Variants in FHOD3 observed in about 807,000 individuals in gnomAD.
FHOD3 encodes the protein formin homology 2 domain containing 3, also known as FH1/FH2 domain-containing protein 3.
A neutral mutation model predicts 173.0 loss-of-function variants in FHOD3; 90 were observed. The ratio of observed to expected loss-of-function variants is 0.52; its 90% confidence interval spans 0.44 to 0.62. The LOEUF is 0.62. FHOD3 is among the 20% of genes least tolerant of loss of function. The pLI is 0.00. For missense variants in FHOD3, 1,945 were observed against 2,034.7 expected, an observed-to-expected ratio of 0.96 and a Z score of 0.85; for synonymous variants, 828 against 823.0, an observed-to-expected ratio of 1.01 and a Z score of -0.10.
chr18:36,633,513 T>C (rs2034662256), intron 10 of FHOD3, among the ~76,000 whole-genome samples: 1 of 152,174 alleles, frequency 6.6e-6, no homozygotes, highest in South Asian at 2.1e-4. Flanking sequence ...ATTTTACATG[T>C]ATTGTAAATT....
At chr18:36,755,993 A>G (rs528248708) in intron 25 of FHOD3, among the ~76,000 whole-genome samples, 2 of 152,124 alleles carry the variant, frequency 1.3e-5, no homozygotes, top group South Asian at 4.2e-4. Flanking sequence ...CCCCAAGCCT[A>G]CCTAGGTCTT....
chr18:36,385,962 A>T (rs1424475931), intron 3 of FHOD3, among the ~76,000 whole-genome samples: 1 of 152,228 alleles, frequency 6.6e-6, no homozygotes, highest in Admixed American at 6.5e-5. Context: ...CCACAACATG[A>T]CACCAAGTGC....
At chr18:36,547,821 G>A (rs1302208808) in intron 5 of FHOD3, among the ~76,000 whole-genome samples, 1 of 152,144 alleles carries the variant, frequency 6.6e-6, no homozygotes, top group Non-Finnish European at 1.5e-5. Context: ...TCGTGAGGTT[G>A]GTTGTTTTGA....
chr18:36,482,858 CAGAGAGAGAGAGAGAGAG>C lies in FHOD3; in HGVS notation c.338-19054_338-19037del, dbSNP rs138052316. 6.5e-3 allele frequency among the ~76,000 whole-genome samples: 845 copies of C among 130,450 alleles called. 11 individuals are homozygous for C. The highest frequency in any genetic ancestry group is 0.024 in the African/African-American group (768 of 32,244). The allele number at this position is 130,450 out of a possible 152,430, so 85.6% of individuals were successfully genotyped here. A position where few individuals can be genotyped will look rare whatever the true frequency, so the allele number is the denominator to read the frequency against. ...ACACACACACACACTCACACACACA[CAGAGAGAGAGAGAGAGAG>C]AGAGAGAGAGAGAGAGAGAACGAGA... On this transcript the variant is annotated intron_variant, in intron 3 of 28. Coordinates refer to ENST00000590592, the MANE Select transcript of FHOD3 (RefSeq NM_001281740.3).
At chr18:36,327,065 G>A (rs2044709707) in intron 1 of FHOD3, among the ~76,000 whole-genome samples, 1 of 152,168 alleles carries the variant, frequency 6.6e-6, no homozygotes, top group South Asian at 2.1e-4. Context: ...ACGTCATGAG[G>A]TTTCTTTGAA....
intron 3 of FHOD3, among the ~76,000 whole-genome samples, chr18:36,442,986 G>C (rs1397006451): frequency 6.6e-6 from 1 of 152,136 alleles, no homozygotes; most frequent in Non-Finnish European, 1.5e-5. Flanking sequence ...TGGTTTGTTT[G>C]ATGTTTCCTT....
chr18:36,326,112 A>G (rs1002940428), intron 1 of FHOD3, among the ~76,000 whole-genome samples: 1 of 152,218 alleles, frequency 6.6e-6, no homozygotes, highest in Non-Finnish European at 1.5e-5. Context: ...AAGTCAAAAT[A>G]CAAAAATGTC....
intron 8 of FHOD3, among the ~76,000 whole-genome samples, chr18:36,610,153 T>C (rs1333078349): frequency 3.3e-5 from 5 of 152,140 alleles, no homozygotes; most frequent in Non-Finnish European, 5.9e-5. Context: ...CACGCTGCTG[T>C]GTAGGAAGTT....
intron 3 of FHOD3, among the ~76,000 whole-genome samples, chr18:36,449,951 G>A (rs2051727299): frequency 6.6e-6 from 1 of 152,116 alleles, no homozygotes; most frequent in South Asian, 2.1e-4. Context: ...GGTTTTTGGG[G>A]AACAGGTGGT....
intron 8 of FHOD3, among the ~76,000 whole-genome samples, chr18:36,604,334 G>A (rs1197815237): frequency 6.6e-6 from 1 of 152,180 alleles, no homozygotes; most frequent in African/African-American, 2.4e-5. Context: ...TGATGAAGTG[G>A]GGATAAGTTT....
chr18:36,356,258 AATT>A (rs879453498), intron 2 of FHOD3, among the ~76,000 whole-genome samples: 17 of 152,384 alleles, frequency 1.1e-4, no homozygotes, highest in Non-Finnish European at 2.4e-4. Context: ...TGGAAAAAAT[AATT>A]ATTAATTATG....
chr18:36,313,707 TG>T (rs2092306067), intron 1 of FHOD3, among the ~76,000 whole-genome samples: 1 of 152,188 alleles, frequency 6.6e-6, no homozygotes, highest in African/African-American at 2.4e-5. Flanking sequence ...TGGTTTTTGG[TG>T]ATTATGAATA....
chr18:36,524,783 A>G (rs571612134), intron 5 of FHOD3, among the ~76,000 whole-genome samples: 3 of 152,112 alleles, frequency 2.0e-5, no homozygotes, highest in Non-Finnish European at 2.9e-5. Context: ...GTCAGTTTGT[A>G]GGCCCTGATT....
intron 1 of FHOD3, among the ~76,000 whole-genome samples, chr18:36,341,032 G>A (rs2045589588): frequency 6.6e-6 from 1 of 152,086 alleles, no homozygotes; most frequent in Non-Finnish European, 1.5e-5. Context: ...CTCTTGCGCA[G>A]CAGCTAAGAA....
intron 28 of FHOD3, 104 bp from the exon 29 acceptor site, chr18:36,779,344 C>A: frequency 9.9e-7 from 1 of 1,005,124 alleles, no homozygotes; most frequent in Non-Finnish European, 1.5e-6. Context: ...CTCTGGAAGT[C>A]CCTGGGGAGA....
At chr18:36,450,026 G>A (rs1403436952) in intron 3 of FHOD3, among the ~76,000 whole-genome samples, 1 of 152,002 alleles carries the variant, frequency 6.6e-6, no homozygotes, top group East Asian at 1.9e-4. Flanking sequence ...TATCACTGGA[G>A]CGGTATACAC....
chr18:36,583,856 C>T (rs1461722961), intron 6 of FHOD3, among the ~76,000 whole-genome samples: 9 of 151,844 alleles, frequency 5.9e-5, no homozygotes, highest in African/African-American at 2.2e-4. Context: ...GACGGAGTCT[C>T]ACTCTGTCAC....
At chr18:36,584,175 A>C (rs1450431345) in intron 6 of FHOD3, among the ~76,000 whole-genome samples, 7 of 151,482 alleles carry the variant, frequency 4.6e-5, no homozygotes, top group African/African-American at 1.7e-4. Flanking sequence ...TTCCTCCCCT[A>C]CCCTGCCTCA....
intron 5 of FHOD3, among the ~76,000 whole-genome samples, chr18:36,539,113 A>C (rs1256781125): frequency 1.3e-5 from 2 of 152,258 alleles, no homozygotes; most frequent in Non-Finnish European, 1.5e-5. Context: ...ATCCATACTC[A>C]ACCCAAGAAA....
Sources: gnomAD v4.1 joint callset for allele counts (sites outside exome capture counted in the v4.1 genomes callset) on GRCh38, gnomAD v4.1.1 for gene constraint, MANE v1.5 for transcripts, NCBI Gene and HGNC (gene_info 2026-07-23, HGNC 2026-07-21) for gene names.